Variants in CLSTN2 observed in about 807,000 individuals in gnomAD.
CLSTN2 encodes the protein calsyntenin-2.
CLSTN2 carries 48 observed loss-of-function variants against 101.2 expected under a neutral mutation model. The ratio of observed to expected loss-of-function variants is 0.47; its 90% CI spans 0.38 to 0.60. The LOEUF (loss-of-function observed/expected upper bound fraction) is 0.60. Ranked by LOEUF, CLSTN2 falls within the 20% of genes least tolerant of loss-of-function variation. The pLI, the probability that CLSTN2 is intolerant of heterozygous loss-of-function variation, is 0.00. For synonymous variants in CLSTN2, 481 were observed against 463.6 expected, an observed-to-expected ratio of 1.04 and a Z score of -0.48; for missense variants, 1,160 against 1,238.2, an observed-to-expected ratio of 0.94 and a Z score of 0.95.
chr3:140,350,939 G>A (rs2087599260), intron 2 of CLSTN2, among the ~76,000 whole-genome samples: 1 of 152,180 alleles, frequency 6.6e-6, no homozygotes, highest in Non-Finnish European at 1.5e-5. Context: ...GCTCCTCTCA[G>A]ACCCTGCAGT....
At chr3:140,480,425 T>C (rs550464689) in intron 8 of CLSTN2, among the ~76,000 whole-genome samples, 8 of 152,328 alleles carry the variant, frequency 5.3e-5, no homozygotes, top group East Asian at 3.9e-4. Flanking sequence ...TGTGTCTTTA[T>C]AGCAGCATGA....
intron 1 of CLSTN2, among the ~76,000 whole-genome samples, chr3:140,147,697 A>T (rs2009801016): frequency 6.6e-6 from 1 of 152,146 alleles, no homozygotes; most frequent in African/African-American, 2.4e-5. Flanking sequence ...ACCAGACTAG[A>T]TCCCGGGATT....
At chr3:140,172,240 G>T (rs1356341391) in intron 1 of CLSTN2, among the ~76,000 whole-genome samples, 2 of 115,896 alleles carry the variant, frequency 1.7e-5, no homozygotes, top group East Asian at 4.1e-4. Context: ...GAGCGGGGGG[G>T]ACTAAAAAAG....
chr3:140,535,209 G>A (rs1208333443), intron 9 of CLSTN2, among the ~76,000 whole-genome samples: 2 of 152,344 alleles, frequency 1.3e-5, no homozygotes, highest in East Asian at 1.9e-4. Flanking sequence ...TCACTAAGAG[G>A]GAGAAATACA....
At chr3:140,531,570 G>A (rs544201864) in intron 8 of CLSTN2, among the ~76,000 whole-genome samples, 1 of 152,182 alleles carries the variant, frequency 6.6e-6, no homozygotes, top group South Asian at 2.1e-4. Flanking sequence ...GGGTGTGGGG[G>A]GATTAGAGGG....
intron 1 of CLSTN2, among the ~76,000 whole-genome samples, chr3:139,971,916 C>T (rs1429809024): frequency 2.0e-5 from 3 of 152,100 alleles, no homozygotes; most frequent in Admixed American, 1.3e-4. Flanking sequence ...CTCTGAATCC[C>T]TGACCATAGG....
rs2087641885 is a variant in CLSTN2, at chr3:140,354,302, GTTTGT to G, written c.233-49324_233-49320del. On this transcript the variant is annotated intron_variant, in intron 2 of 16. Coordinates refer to ENST00000458420, the MANE Select transcript of CLSTN2 (RefSeq NM_022131.3). ...AACTCCACCTGGGAGTGCACCTCCT[GTTTGT>G]TTATCAAGCTTTGTAAGATTCCGTA... 2.6e-5 allele frequency among the ~76,000 whole-genome samples: 4 copies of G among 152,138 alleles called. No individual in the cohort carries two copies. In the South Asian group the frequency reaches 8.3e-4, roughly 31 times the overall value.
chr3:140,291,400 C>T (rs1531637), intron 2 of CLSTN2, among the ~76,000 whole-genome samples: 2 of 151,528 alleles, frequency 1.3e-5, no homozygotes, highest in African/African-American at 4.9e-5. Context: ...CCCCTCCCCC[C>T]CCAACTTTCT....
At chr3:140,297,552 G>A (rs922052734) in intron 2 of CLSTN2, among the ~76,000 whole-genome samples, 6 of 152,094 alleles carry the variant, frequency 3.9e-5, no homozygotes, top group Non-Finnish European at 8.8e-5. Flanking sequence ...GGGCTTTGTA[G>A]GCCAAGAGGT....
At chr3:140,481,477 C>A (rs1263955307) in intron 8 of CLSTN2, among the ~76,000 whole-genome samples, 4 of 152,104 alleles carry the variant, frequency 2.6e-5, no homozygotes, top group Non-Finnish European at 5.9e-5. Flanking sequence ...TTTTCCAATT[C>A]TGTGAAGAAA....
chr3:140,305,476 C>A (rs2087104661), intron 2 of CLSTN2, among the ~76,000 whole-genome samples: 1 of 152,232 alleles, frequency 6.6e-6, no homozygotes, highest in South Asian at 2.1e-4. Context: ...CTTCTTTTCC[C>A]TTTACATCAC....
intron 2 of CLSTN2, among the ~76,000 whole-genome samples, chr3:140,392,935 A>G (rs2088134097): frequency 4.6e-5 from 7 of 152,066 alleles, no homozygotes; most frequent in Admixed American, 3.9e-4. Context: ...GGGACTCTGC[A>G]GAGTCCTGAG....
At chr3:140,415,582 G>A (rs1268810986) in intron 4 of CLSTN2, among the ~76,000 whole-genome samples, 1 of 149,800 alleles carries the variant, frequency 6.7e-6, no homozygotes, top group Non-Finnish European at 1.5e-5. Context: ...ATAAATGGTC[G>A]ACGTGCATAC....
chr3:140,288,168 C>T (rs1354980444), intron 2 of CLSTN2, among the ~76,000 whole-genome samples: 1 of 151,796 alleles, frequency 6.6e-6, no homozygotes, highest in Non-Finnish European at 1.5e-5. Context: ...ACTGACCTTC[C>T]ACATGTATAC....
chr3:140,395,174 T>C (rs1031539544), intron 2 of CLSTN2, among the ~76,000 whole-genome samples: 1 of 152,210 alleles, frequency 6.6e-6, no homozygotes, highest in Non-Finnish European at 1.5e-5. Context: ...AAAAATGACT[T>C]TTAAAATAAA....
rs918906784 is a variant in CLSTN2 at position 140,568,110 on chromosome 3, A to C, written c.*1857A>C. On this transcript the variant is annotated 3_prime_UTR_variant, in exon 17 of 17. Transcript: ENST00000458420. ...TTCAGAGTCATTCAAAAGTATAGACAAGACCAGTCTCCCCAACTTCCACTC... is the reference window on the plus strand; with the variant it reads ...TTCAGAGTCATTCAAAAGTATAGACCAGACCAGTCTCCCCAACTTCCACTC... 2 of 152,234 alleles carry C rather than the reference A, an allele frequency of 1.3e-5. No individual in the cohort carries two copies. Among genetic ancestry groups the C allele is most frequent in the African/African-American group, 4.8e-5 (2 of 41,458 alleles). 9.4% of individuals were successfully genotyped at this position (152,234 alleles called of 1,614,324 possible).
intron 2 of CLSTN2, among the ~76,000 whole-genome samples, chr3:140,276,804 A>C (rs1213764081): frequency 6.6e-6 from 1 of 152,244 alleles, no homozygotes; most frequent in Non-Finnish European, 1.5e-5. Flanking sequence ...GGGGGAAGTC[A>C]AAGTATTTGT....
At chr3:140,475,364 GA>G (rs1933959453) in intron 8 of CLSTN2, among the ~76,000 whole-genome samples, 1 of 152,188 alleles carries the variant, frequency 6.6e-6, no homozygotes, top group Non-Finnish European at 1.5e-5. Flanking sequence ...CCCTATTGTA[GA>G]CATAGTCTCC....
chr3:140,085,676 G>A (rs1309488999), intron 1 of CLSTN2, among the ~76,000 whole-genome samples: 1 of 152,078 alleles, frequency 6.6e-6, no homozygotes, highest in African/African-American at 2.4e-5. Flanking sequence ...ATCCTGGCCT[G>A]CTCTACCTCC....
Sources: allele counts gnomAD v4.1 joint callset (sites outside exome capture counted in the v4.1 genomes callset), GRCh38; gene constraint gnomAD v4.1.1; transcripts MANE v1.5; gene names NCBI Gene and HGNC (gene_info 2026-07-23, HGNC 2026-07-21).